Variants in ATP5PO observed in about 807,000 individuals in gnomAD.
ATP5PO encodes the protein ATP synthase peripheral stalk subunit OSCP, mitochondrial.
Under a neutral mutation model 26.2 loss-of-function variants are expected in ATP5PO, and 14 were observed. The ratio of observed to expected loss-of-function variants is 0.53; its 90% CI spans 0.35 to 0.83. ATP5PO has a LOEUF of 0.83. Among genes scored for constraint, ATP5PO ranks in the 40% least tolerant of loss-of-function variants. The probability of loss-of-function intolerance (pLI) is 0.01; values close to 1 mark genes in which losing one functional copy is unlikely to be tolerated. For missense variants in ATP5PO, 241 were observed against 258.5 expected (o/e 0.93, Z 0.46); for synonymous variants, 106 against 95.1 (o/e 1.12, Z -0.67).
At chr21:33,909,500 G>A (rs778889386) in intron 3 of ATP5PO, among the ~76,000 whole-genome samples, 3 of 151,994 alleles carry the variant, frequency 2.0e-5, no homozygotes, top group Admixed American at 1.3e-4. Flanking sequence ...TCCTGACCTC[G>A]AGTGATCCAC....
chr21:33,914,929 G>A (rs1987294830), intron 1 of ATP5PO: 1 of 158,632 alleles, frequency 6.3e-6, no homozygotes, highest in Non-Finnish European at 1.4e-5. Context: ...GAGTACTGCC[G>A]CAGAGTTTGA....
intron 5 of ATP5PO, among the ~76,000 whole-genome samples, chr21:33,905,591 G>C (rs1987158764): frequency 6.6e-6 from 1 of 152,080 alleles, no homozygotes; most frequent in Non-Finnish European, 1.5e-5. Flanking sequence ...AAAATCTTTT[G>C]CAAAAACAAG....
intron 2 of ATP5PO, among the ~76,000 whole-genome samples, chr21:33,913,197 C>T (rs2834300): frequency 0.49 from 74,767 of 151,976 alleles, 18,499 homozygotes; most frequent in Non-Finnish European, 0.51. Flanking sequence ...ACATGAAGGA[C>T]GAAATGATTT....
intron 4 of ATP5PO, among the ~76,000 whole-genome samples, chr21:33,908,044 C>T (rs916046900): frequency 4.0e-5 from 6 of 150,492 alleles, no homozygotes; most frequent in Non-Finnish European, 5.9e-5. Context: ...GGCGCATGCG[C>T]GCAGTTCCAG....
chr21:33,913,842 T>C (rs1987279347), intron 2 of ATP5PO, among the ~76,000 whole-genome samples: 1 of 152,034 alleles, frequency 6.6e-6, no homozygotes, highest in African/African-American at 2.4e-5. Context: ...TGCAGTGGCA[T>C]GATCTCTGCT....
Position 33,903,534 on chromosome 21 carries a change from T to C in ATP5PO, c.634A>G (p.Ile212Val). 3.1e-6 allele frequency: 5 copies of C among 1,612,158 alleles called. No homozygotes were observed. Among genetic ancestry groups the C allele is most frequent in the Non-Finnish European group, 2.5e-6 (3 of 1,179,122 alleles). The part of the protein sequence containing the change: ...IQKLGRAMRE[I>V]V ...GCAGAAAACCAACACTTTTAGACAA[T>C]CTCCCGCATAGCCCTGCCCAGCTTC... is the stretch of plus-strand genomic sequence containing the variant. Residue 212 changes from isoleucine (I) to valine (V), a missense_variant, in exon 7 of 7, where the codon ATT becomes GTT. Physicochemically the swap from Ile to Val is conservative, Grantham distance 29. Around this residue, in one of 3 missense-constraint regions of ATP5PO, gnomAD observed 77 missense variants for 74.5 expected, o/e 1.03. Transcript: ENST00000290299.
chr21:33,904,293 T>A (rs1158166907), intron 5 of ATP5PO, among the ~76,000 whole-genome samples: 1 of 152,180 alleles, frequency 6.6e-6, no homozygotes, highest in East Asian at 1.9e-4. Context: ...CTGCCTCTGC[T>A]CTGTGTGCTA....
intron 4 of ATP5PO, 79 bp downstream of exon 4, chr21:33,909,003 T>C: frequency 7.0e-7 from 1 of 1,432,054 alleles, no homozygotes; most frequent in Non-Finnish European, 9.4e-7. Context: ...CAGGTGATGC[T>C]GATGCCGCCC....
chr21:33,914,616 G>C, intron 1 of ATP5PO, 116 bp from the exon 2 acceptor site: 1 of 950,754 alleles, frequency 1.1e-6, no homozygotes, highest in Non-Finnish European at 1.6e-6. Context: ...TTGTCTCTTT[G>C]TATATTCACA....
At chr21:33,909,889 AACTGTGCTCTG>A (rs1306880212) in intron 3 of ATP5PO, among the ~76,000 whole-genome samples, 3 of 152,140 alleles carry the variant, frequency 2.0e-5, no homozygotes, top group Non-Finnish European at 4.4e-5. Context: ...CAGACCTCAC[AACTGTGCTCTG>A]ACCACAGAGG....
intron 3 of ATP5PO, among the ~76,000 whole-genome samples, chr21:33,911,788 G>T (rs369628514): frequency 6.8e-6 from 1 of 146,530 alleles, no homozygotes; most frequent in Non-Finnish European, 1.5e-5. Context: ...CTCAGCCTCC[G>T]GAGTAGCTGG....
intron 1 of ATP5PO, 42 bp downstream of exon 1, chr21:33,915,686 G>A (rs770293793): frequency 4.2e-5 from 66 of 1,555,352 alleles, no homozygotes; most frequent in Non-Finnish European, 5.6e-5. Context: ...GTCATCCCAG[G>A]AGGGATCCTC....
At chr21:33,909,534 G>C (rs2148606519) in intron 3 of ATP5PO, among the ~76,000 whole-genome samples, 1 of 152,238 alleles carries the variant, frequency 6.6e-6, no homozygotes, top group African/African-American at 2.4e-5. Flanking sequence ...CCAAAGTGCT[G>C]CGATTACAGG....
chr21:33,911,662 GTTTTTTTT>G (rs58774588), intron 3 of ATP5PO, among the ~76,000 whole-genome samples: 4 of 92,080 alleles, frequency 4.3e-5, no homozygotes, highest in Admixed American at 1.6e-4. Flanking sequence ...ATAAGCATAG[GTTTTTTTT>G]TTTTTTTTTT....
chr21:33,908,169 CAAAAAAAAAAAAA>C (rs34768404), intron 4 of ATP5PO, among the ~76,000 whole-genome samples: 1 of 97,682 alleles, frequency 1.0e-5, no homozygotes, highest in Non-Finnish European at 2.0e-5. Context: ...CACCCAGGCT[CAAAAAAAAAAAAA>C]AAAAAAAAGA....
At chr21:33,915,345 C>T (rs1242542741) in intron 1 of ATP5PO, 1 of 245,822 alleles carries the variant, frequency 4.1e-6, no homozygotes, top group Non-Finnish European at 7.9e-6. Flanking sequence ...TACAAATATT[C>T]CTTAGCATTA....
chr21:33,910,588 A>G (rs1426614289), intron 3 of ATP5PO, among the ~76,000 whole-genome samples: 1 of 152,154 alleles, frequency 6.6e-6, no homozygotes, highest in Non-Finnish European at 1.5e-5. Flanking sequence ...AATTCTCTCC[A>G]TTGTAAACAT....
At chr21:33,911,839 AT>A (rs561846203) in intron 3 of ATP5PO, among the ~76,000 whole-genome samples, 1 of 151,434 alleles carries the variant, frequency 6.6e-6, no homozygotes, top group Non-Finnish European at 1.5e-5. Flanking sequence ...AATTTTTTGT[AT>A]TTTTTAGTAG....
intron 5 of ATP5PO, among the ~76,000 whole-genome samples, chr21:33,904,891 CCATCA>C: frequency 6.6e-6 from 1 of 152,266 alleles, no homozygotes; most frequent in East Asian, 1.9e-4. Flanking sequence ...CAGGCGCATG[CCATCA>C]CACCCGGCTA....
Sources: gnomAD v4.1 joint callset for allele counts (sites outside exome capture counted in the v4.1 genomes callset) on GRCh38, gnomAD v4.1.1 for gene constraint, gnomAD v4.1.1 regional missense constraint, MANE v1.5 for transcripts, NCBI Gene and HGNC (gene_info 2026-07-23, HGNC 2026-07-21) for gene names.